CSMD1: variants seen among roughly 807,000 people sequenced by gnomAD.
CSMD1 encodes CUB and sushi domain-containing protein 1.
In CSMD1, 213 loss-of-function variants were observed where a neutral mutation model predicts 417.5. The ratio of observed to expected loss-of-function variants is 0.51; its 90% CI spans 0.46 to 0.57. CSMD1 has a LOEUF of 0.57. CSMD1 is among the 20% of genes least tolerant of loss of function. The probability of loss-of-function intolerance (pLI) is 0.00; values close to 1 mark genes in which losing one functional copy is unlikely to be tolerated. For synonymous variants in CSMD1, 2,862 were observed against 1,736.8 expected, an observed-to-expected ratio of 1.65 and a Z score of -16.11; for missense variants, 6,923 against 4,529.7, an observed-to-expected ratio of 1.53 and a Z score of -15.17.
intron 1 of CSMD1, among the ~76,000 whole-genome samples, chr8:4,831,538 G>C (rs1001690738): frequency 2.0e-5 from 3 of 152,012 alleles, no homozygotes; most frequent in South Asian, 2.1e-4. Context: ...AATATCAGAA[G>C]ATAATGTGTC....
chr8:4,328,655 T>TC (rs1799693656), intron 3 of CSMD1, among the ~76,000 whole-genome samples: 2 of 151,972 alleles, frequency 1.3e-5, no homozygotes, highest in Admixed American at 6.6e-5. Context: ...CATCACTTTT[T>TC]CTCTTTGAAA....
At chr8:4,024,259 G>T (rs1163418036) in intron 4 of CSMD1, among the ~76,000 whole-genome samples, 1 of 152,140 alleles carries the variant, frequency 6.6e-6, no homozygotes, top group East Asian at 1.9e-4. Context: ...GGTGTCAATT[G>T]AGAAAGTTCA....
chr8:4,065,271 C>G (rs1325913392), intron 3 of CSMD1, among the ~76,000 whole-genome samples: 3 of 152,234 alleles, frequency 2.0e-5, no homozygotes, highest in Non-Finnish European at 4.4e-5. Flanking sequence ...ACCACTGACT[C>G]TGTTGGGCAG....
chr8:3,534,480 G>A lies in CSMD1; in HGVS notation c.1344+40465C>T, dbSNP rs569903067. ...TCACACTTATGACACCCTCTCTCATGCTCAGCGATAAGTAGATATTTTTGG... is the reference window on the plus strand; with the variant it reads ...TCACACTTATGACACCCTCTCTCATACTCAGCGATAAGTAGATATTTTTGG... On this transcript the variant is annotated intron_variant, in intron 10 of 69. Transcript: ENST00000635120. 4.7e-4 allele frequency among the ~76,000 whole-genome samples: 69 copies of A among 147,060 alleles called. 1 individual carries two copies. The highest frequency in any genetic ancestry group is 1.7e-3 in the African/African-American group (66 of 39,414).
chr8:3,155,422 C>T (rs376345463), intron 39 of CSMD1, among the ~76,000 whole-genome samples: 49 of 107,976 alleles, frequency 4.5e-4, no homozygotes, highest in African/African-American at 1.6e-3. Flanking sequence ...GGATGGAGTG[C>T]AGTGGCGCGA....
chr8:4,100,530 G>A (rs558779655), intron 3 of CSMD1, among the ~76,000 whole-genome samples: 2 of 152,198 alleles, frequency 1.3e-5, no homozygotes, highest in Non-Finnish European at 2.9e-5. Flanking sequence ...GTATCTTATA[G>A]AAGTGTTGAA....
chr8:4,369,865 T>C (rs867730343), intron 3 of CSMD1, among the ~76,000 whole-genome samples: 6 of 152,118 alleles, frequency 3.9e-5, no homozygotes, highest in African/African-American at 9.7e-5. Flanking sequence ...CAGCAGAGAG[T>C]TGGGTCTTGC....
chr8:4,858,959 G>C (rs556857465), intron 1 of CSMD1, among the ~76,000 whole-genome samples: 1 of 148,764 alleles, frequency 6.7e-6, no homozygotes. Flanking sequence ...CATCGCCAAG[G>C]CAATCCTAAG....
At chr8:4,706,835 T>A (rs889953838) in intron 1 of CSMD1, among the ~76,000 whole-genome samples, 1 of 152,102 alleles carries the variant, frequency 6.6e-6, no homozygotes, top group Non-Finnish European at 1.5e-5. Flanking sequence ...GTTGACCCGA[T>A]TGAGAGAATG....
In CSMD1 at chr8:4,393,618, G is replaced by A. The variant is rs536899674; in HGVS notation, c.415+26335C>T. Among the ~76,000 whole-genome samples the A allele has an allele frequency of 2.0e-3, 298 of 152,218 alleles. 1 individual carries two copies. Among genetic ancestry groups the A allele is most frequent in the African/African-American group, 6.9e-3 (288 of 41,550 alleles). ...TTAATGAGTTTGGTAAAGTGTCATT[G>A]ATTAAATTATCAATGTTGAAAAGAC... On this transcript the variant is annotated intron_variant, in intron 3 of 69. Transcript: ENST00000635120.
At position 4,945,981 on chromosome 8, in the gene CSMD1, G is replaced by A. The variant is rs75317311; in HGVS notation, c.85+48351C>T. Among the ~76,000 whole-genome samples, 244 of 152,284 alleles carry A rather than the reference G, an allele frequency of 1.6e-3. 1 individual carries two copies. The highest frequency in any genetic ancestry group is 3.0e-3 in the Non-Finnish European group (201 of 68,018). ...GTAGGACATATCAGAGGCTCCAGAA[G>A]ACACGGTAGAGACCTGTAATAAGAA... On this transcript the variant is annotated intron_variant, in intron 1 of 69. Transcript: ENST00000635120.
chr8:4,289,658 T>C lies in CSMD1; in HGVS notation c.415+130295A>G, dbSNP rs73500677. Among the ~76,000 whole-genome samples, 1,437 of 152,298 alleles carry C rather than the reference T, an allele frequency of 9.4e-3. 20 individuals carry two copies. Among genetic ancestry groups the C allele is most frequent in the African/African-American group, 0.033 (1,387 of 41,560 alleles). ...GGAGTAGAGCAGCTGTCCATGGTCCTGAGTAACATGTGCTCAAGACATGAG... is the reference window on the plus strand; with the variant it reads ...GGAGTAGAGCAGCTGTCCATGGTCCCGAGTAACATGTGCTCAAGACATGAG... On this transcript the variant is annotated intron_variant, in intron 3 of 69. Transcript: ENST00000635120.
In CSMD1 at chr8:4,181,946, G is replaced by C. The variant is rs989703159; in HGVS notation, c.416-149847C>G. Among the ~76,000 whole-genome samples the C allele has an allele frequency of 3.8e-4, 27 of 71,424 alleles. No individual in the cohort carries two copies. In the Admixed American group the frequency reaches 3.8e-3, roughly 10 times the overall value. The allele number at this position is 71,424 out of a possible 152,430, so 46.9% of individuals were successfully genotyped here. ...AGTACTTTGCTAGGTGATTCTGTTT[G>C]TCTGTGTCTGCGTGTGTGTGTGTGT... On this transcript the variant is annotated intron_variant, in intron 3 of 69. Coordinates refer to ENST00000635120, the MANE Select transcript of CSMD1 (RefSeq NM_033225.6).
At chr8:4,363,601 G>C (rs1206419084) in intron 3 of CSMD1, among the ~76,000 whole-genome samples, 2 of 152,174 alleles carry the variant, frequency 1.3e-5, no homozygotes, top group Non-Finnish European at 2.9e-5. Flanking sequence ...CCATTTCAAA[G>C]AGACAACATC....
chr8:4,830,718 T>A (rs999613221), intron 1 of CSMD1, among the ~76,000 whole-genome samples: 1 of 152,220 alleles, frequency 6.6e-6, no homozygotes, highest in Admixed American at 6.5e-5. Context: ...CAACCCTGTG[T>A]CATTGTATCT....
At chr8:4,238,538 G>A (rs947772669) in intron 3 of CSMD1, among the ~76,000 whole-genome samples, 2 of 152,170 alleles carry the variant, frequency 1.3e-5, no homozygotes, top group Non-Finnish European at 2.9e-5. Flanking sequence ...CAGGCTTGAG[G>A]TTGATTCTGC....
chr8:3,509,609 T>C (rs543697584), intron 10 of CSMD1, among the ~76,000 whole-genome samples: 12 of 152,346 alleles, frequency 7.9e-5, no homozygotes, highest in African/African-American at 2.9e-4. Flanking sequence ...CTAGTGGATA[T>C]AACAGATCTA....
chr8:4,812,569 A>G (rs932363257), intron 1 of CSMD1, among the ~76,000 whole-genome samples: 6 of 152,278 alleles, frequency 3.9e-5, no homozygotes, highest in African/African-American at 1.2e-4. Context: ...GAATTTATCA[A>G]TTATATATTA....
chr8:3,755,812 T>A (rs1563345054), intron 5 of CSMD1, among the ~76,000 whole-genome samples: 1 of 152,084 alleles, frequency 6.6e-6, no homozygotes, highest in Non-Finnish European at 1.5e-5. Context: ...GAAATAATCT[T>A]CTGTAAGAGA....
Sources: gnomAD v4.1 joint callset for allele counts (sites outside exome capture counted in the v4.1 genomes callset) on GRCh38, gnomAD v4.1.1 for gene constraint, MANE v1.5 for transcripts, NCBI Gene and HGNC (gene_info 2026-07-23, HGNC 2026-07-21) for gene names.